CA10: variants seen among roughly 807,000 people sequenced by gnomAD.
CA10 encodes the protein carbonic anhydrase 10 (inactive).
CA10 carries 14 observed loss-of-function variants against 44.2 expected under a neutral mutation model. That is an observed-to-expected ratio of 0.32 (90% CI 0.21 to 0.50). The LOEUF (loss-of-function observed/expected upper bound fraction) is 0.50. Among genes scored for constraint, CA10 ranks in the 20% least tolerant of loss-of-function variants. CA10 has a pLI of 0.99. For missense variants in CA10, 350 were observed against 409.7 expected, an observed-to-expected ratio of 0.85 and a Z score of 1.26; for synonymous variants, 159 against 141.6, an observed-to-expected ratio of 1.12 and a Z score of -0.87.
chr17:51,879,797 T>A (rs949228739), intron 3 of CA10, among the ~76,000 whole-genome samples: 1 of 152,146 alleles, frequency 6.6e-6, no homozygotes, highest in Non-Finnish European at 1.5e-5. Flanking sequence ...TTATCCACAT[T>A]AGGGAGGAGA....
chr17:52,156,283 T>TA (rs1470502826), intron 1 of CA10, among the ~76,000 whole-genome samples: 1 of 152,158 alleles, frequency 6.6e-6, no homozygotes, highest in East Asian at 1.9e-4. Flanking sequence ...ATGACTGATA[T>TA]AAACCTTTAC....
chr17:52,048,627 G>A lies in CA10; in HGVS notation c.136+23692C>T, dbSNP rs117905589. ...TGTGGAATGAGTCAGATTTCAACAG[G>A]CAGGTATAGGAGCCCTCAGGGTGGG... is the stretch of plus-strand genomic sequence containing the variant. On this transcript the variant is annotated intron_variant, in intron 2 of 8. Transcript: ENST00000451037. Among the ~76,000 whole-genome samples the A allele has an allele frequency of 2.1e-3, 312 of 152,134 alleles. 1 individual carries two copies. Among genetic ancestry groups the A allele is most frequent in the Non-Finnish European group, 4.0e-3 (269 of 67,996 alleles).
intron 3 of CA10, among the ~76,000 whole-genome samples, chr17:51,906,121 T>C (rs1038762712): frequency 2.6e-5 from 4 of 152,294 alleles, no homozygotes; most frequent in Admixed American, 1.3e-4. Context: ...TCCTAATATG[T>C]CCTGGATTAA....
intron 2 of CA10, among the ~76,000 whole-genome samples, chr17:51,971,278 T>A (rs1269140952): frequency 6.6e-6 from 1 of 152,106 alleles, no homozygotes; most frequent in Admixed American, 6.6e-5. Flanking sequence ...AGGGCAACAT[T>A]ATGCTTACTA....
intron 2 of CA10, among the ~76,000 whole-genome samples, chr17:52,004,749 G>A (rs1198983130): frequency 6.6e-6 from 1 of 151,830 alleles, no homozygotes; most frequent in African/African-American, 2.4e-5. Flanking sequence ...AGTGAGGCAT[G>A]GAGAAGTTCA....
Position 52,130,605 on chromosome 17 carries a change from A to C in CA10, c.61+27121T>G, listed in dbSNP as rs139825860. 5.4e-3 allele frequency among the ~76,000 whole-genome samples: 820 copies of C among 152,344 alleles called. 8 individuals carry two copies. Among genetic ancestry groups the C allele is most frequent in the African/African-American group, 0.019 (782 of 41,588 alleles). Reference sequence around the variant, plus strand: ...TGTGGAACGTAATAAAGTTGAACTCATAGAAGCAGAGAATAGAATGGTGGT... The same window carrying C: ...TGTGGAACGTAATAAAGTTGAACTCCTAGAAGCAGAGAATAGAATGGTGGT... On this transcript the variant is annotated intron_variant, in intron 1 of 8. Coordinates refer to ENST00000451037, the MANE Select transcript of CA10 (RefSeq NM_020178.5).
At chr17:51,681,629 G>A (rs983094358) in intron 4 of CA10, among the ~76,000 whole-genome samples, 1 of 152,118 alleles carries the variant, frequency 6.6e-6, no homozygotes, top group Non-Finnish European at 1.5e-5. Flanking sequence ...AAGGCAATAT[G>A]GTCCTCGATC....
chr17:51,883,685 T>TG (rs1980475427), intron 3 of CA10, among the ~76,000 whole-genome samples: 1 of 152,206 alleles, frequency 6.6e-6, no homozygotes, highest in Non-Finnish European at 1.5e-5. Flanking sequence ...GTTCCCTTCC[T>TG]GATTCCACCT....
At chr17:52,086,820 T>C (rs1401948757) in intron 1 of CA10, among the ~76,000 whole-genome samples, 1 of 152,234 alleles carries the variant, frequency 6.6e-6, no homozygotes, top group Non-Finnish European at 1.5e-5. Flanking sequence ...GATGTCCCAG[T>C]TTAGATGATA....
At chr17:52,050,286 T>C (rs1188527342) in intron 2 of CA10, among the ~76,000 whole-genome samples, 1 of 152,102 alleles carries the variant, frequency 6.6e-6, no homozygotes, top group South Asian at 2.1e-4. Context: ...GTATGTTCTG[T>C]AGACATTGTC....
chr17:51,730,236 A>T (rs566525890), intron 4 of CA10, among the ~76,000 whole-genome samples: 1 of 152,344 alleles, frequency 6.6e-6, no homozygotes, highest in South Asian at 2.1e-4. Flanking sequence ...AAAATAATTC[A>T]CACAGTAGGA....
At chr17:51,907,643 T>A (rs770670786) in intron 3 of CA10, among the ~76,000 whole-genome samples, 2 of 152,048 alleles carry the variant, frequency 1.3e-5, no homozygotes, top group Non-Finnish European at 1.5e-5. Flanking sequence ...TCGCACCTCA[T>A]TCCCAGTGAG....
rs1987699349 is a variant in CA10 at position 52,072,282 on chromosome 17, T to C, written c.136+37A>G. ...TAATGCTAGCCTTCATTCTAATTGT[T>C]TTTAATAAATAAATTAAAGAATTAA... On this transcript the variant is annotated intron_variant, in intron 2 of 8. Transcript: ENST00000451037. 4.3e-6 allele frequency: 6 copies of C among 1,387,334 alleles called. No homozygotes were observed. The South Asian group carries it at 7.3e-5, about 17-fold the overall frequency. The allele number at this position is 1,387,334 out of a possible 1,614,324, so 85.9% of individuals were successfully genotyped here.
At chr17:51,818,091 G>C (rs1206560513) in intron 3 of CA10, among the ~76,000 whole-genome samples, 1 of 152,160 alleles carries the variant, frequency 6.6e-6, no homozygotes, top group Non-Finnish European at 1.5e-5. Context: ...TCTTTCAAGT[G>C]ATACAAGTCA....
chr17:51,924,770 C>G (rs1245998354), intron 3 of CA10, among the ~76,000 whole-genome samples: 2 of 152,204 alleles, frequency 1.3e-5, no homozygotes, highest in Non-Finnish European at 2.9e-5. Flanking sequence ...CTCACTCCCT[C>G]TCCTCACCCC....
chr17:51,727,687 C>T (rs1454600063), intron 4 of CA10, among the ~76,000 whole-genome samples: 1 of 152,040 alleles, frequency 6.6e-6, no homozygotes, highest in Non-Finnish European at 1.5e-5. Flanking sequence ...ACTTTAAATG[C>T]TTCATTAATT....
chr17:51,924,130 C>T (rs1024696993), intron 3 of CA10, among the ~76,000 whole-genome samples: 16 of 152,000 alleles, frequency 1.1e-4, no homozygotes, highest in African/African-American at 3.6e-4. Flanking sequence ...TCACAGTTAG[C>T]TAAAGAGATC....
intron 3 of CA10, among the ~76,000 whole-genome samples, chr17:51,809,009 T>A (rs9895824): frequency 0.025 from 3,830 of 152,196 alleles, 156 homozygotes; most frequent in African/African-American, 0.086. Context: ...TACTAATAAC[T>A]TTATAGCTTT....
intron 3 of CA10, among the ~76,000 whole-genome samples, chr17:51,771,608 C>A (rs1251046637): frequency 6.6e-6 from 1 of 152,184 alleles, no homozygotes; most frequent in Non-Finnish European, 1.5e-5. Flanking sequence ...GCCTTTCCCC[C>A]TTTTGGCATG....
Sources: gnomAD v4.1 joint callset for allele counts (sites outside exome capture counted in the v4.1 genomes callset) on GRCh38, gnomAD v4.1.1 for gene constraint, MANE v1.5 for transcripts, NCBI Gene and HGNC (gene_info 2026-07-23, HGNC 2026-07-21) for gene names.